Variants in TP73 observed in about 807,000 individuals in gnomAD.
The protein encoded by TP73 is tumor protein p73, also known as p53-like transcription factor.
Under a neutral mutation model 62.5 loss-of-function variants are expected in TP73, and 25 were observed. That is an observed-to-expected ratio of 0.40 (90% CI 0.29 to 0.56). TP73 has a LOEUF of 0.56. Ranked by LOEUF, TP73 falls within the 20% of genes least tolerant of loss-of-function variation. TP73 has a pLI of 0.46. For missense variants in TP73, 754 were observed against 913.3 expected (o/e 0.83, Z 2.25); for synonymous variants, 423 against 377.5 (o/e 1.12, Z -1.40).
intron 4 of TP73, among the ~76,000 whole-genome samples, chr1:3,721,774 C>A (rs1048027023): frequency 1.3e-5 from 2 of 152,184 alleles, no homozygotes; most frequent in Non-Finnish European, 1.5e-5. Context: ...GCACTCACAC[C>A]CCTGCTGTCA....
At chr1:3,705,286 C>T (rs549396672) in intron 3 of TP73, among the ~76,000 whole-genome samples, 109 of 152,372 alleles carry the variant, frequency 7.2e-4, no homozygotes, top group South Asian at 4.1e-4. Context: ...TGTACAGACA[C>T]ACTGTTTCTT....
At chr1:3,668,040 C>T (rs1302846855) in intron 1 of TP73, among the ~76,000 whole-genome samples, 3 of 152,218 alleles carry the variant, frequency 2.0e-5, no homozygotes, top group Non-Finnish European at 4.4e-5. Context: ...TATTGCTCCT[C>T]CTGTCACCCA....
intron 6 of TP73, among the ~76,000 whole-genome samples, chr1:3,725,752 T>TGGATGGAG (rs1557578121): frequency 1.6e-5 from 1 of 61,592 alleles, no homozygotes; most frequent in Non-Finnish European, 3.1e-5. Context: ...GGGGAGTGGA[T>TGGATGGAG]GGATGGATGG....
intron 3 of TP73, among the ~76,000 whole-genome samples, chr1:3,697,193 C>T (rs1638743467): frequency 1.4e-5 from 2 of 143,068 alleles, no homozygotes; most frequent in Non-Finnish European, 3.1e-5. Flanking sequence ...CGCGGCCCAC[C>T]TCGCACCCAC....
chr1:3,733,270 C>CA lies in TP73; in HGVS notation c.*192dup, dbSNP rs2124556825. On this transcript the variant is annotated 3_prime_UTR_variant, in exon 14 of 14. Coordinates refer to ENST00000378295, the MANE Select transcript of TP73 (RefSeq NM_005427.4). ...CCCAGCCACCGAAGCCGCCTGTGGA[C>CA]AGCCTGAGTCACCTGCAGAACCTTC... 1 of 676,324 alleles carries CA rather than the reference C, an allele frequency of 1.5e-6. No individual in the cohort carries two copies. Among genetic ancestry groups the CA allele is most frequent in the East Asian group, 2.8e-5 (1 of 36,356 alleles). The allele number at this position is 676,324 out of a possible 1,614,324, so 41.9% of individuals were successfully genotyped here.
intron 3 of TP73, among the ~76,000 whole-genome samples, chr1:3,700,149 A>C (rs1639034810): frequency 1.4e-5 from 2 of 146,636 alleles, no homozygotes; most frequent in African/African-American, 5.1e-5. Flanking sequence ...CCTCCCCACC[A>C]CCCCTGCCAG....
intron 1 of TP73, among the ~76,000 whole-genome samples, chr1:3,669,555 T>C (rs1344758435): frequency 6.6e-6 from 1 of 152,214 alleles, no homozygotes; most frequent in Non-Finnish European, 1.5e-5. Context: ...GCTTCCCGGC[T>C]GGGGGCCGCC....
Position 3,679,857 on chromosome 1 carries a change from CTT to C in TP73, c.-33-2474_-33-2473del, listed in dbSNP as rs139807376. ...TTTGTCCTTGTATCTCTCTGTCTCT[CTT>C]TGTCCCTGTCTCTCTCTGCCTTTGT... is the stretch of plus-strand genomic sequence containing the variant. On this transcript the variant is annotated intron_variant, in intron 1 of 13. Coordinates refer to ENST00000378295, the MANE Select transcript of TP73 (RefSeq NM_005427.4). Among the ~76,000 whole-genome samples the C allele has an allele frequency of 6.0e-3, 828 of 138,340 alleles. 10 individuals are homozygous for C. The highest frequency in any genetic ancestry group is 0.015 in the East Asian group (71 of 4,778). The allele number at this position is 138,340 out of a possible 152,430, so 90.8% of individuals were successfully genotyped here.
intron 1 of TP73, among the ~76,000 whole-genome samples, chr1:3,656,454 C>T (rs1644867671): frequency 6.6e-6 from 1 of 152,246 alleles, no homozygotes; most frequent in South Asian, 2.1e-4. Context: ...ACATTTAGCC[C>T]ATGGTGGCTG....
chr1:3,690,473 C>T (rs1024992271), intron 3 of TP73, among the ~76,000 whole-genome samples: 1 of 152,172 alleles, frequency 6.6e-6, no homozygotes, highest in East Asian at 1.9e-4. Flanking sequence ...TGGGGCCCCC[C>T]GAGCCTTCCC....
At chr1:3,697,296 G>A (rs77096286) in intron 3 of TP73, among the ~76,000 whole-genome samples, 1,811 of 152,320 alleles carry the variant, frequency 0.012, 33 homozygotes, top group African/African-American at 0.04. Flanking sequence ...AGCCCCGGGC[G>A]TCTCTGCTCA....
intron 4 of TP73, among the ~76,000 whole-genome samples, chr1:3,713,009 G>A (rs532160449): frequency 6.6e-6 from 1 of 152,320 alleles, no homozygotes; most frequent in South Asian, 2.1e-4. Context: ...AGGGGAACCA[G>A]TGATAAGGAG....
At chr1:3,731,187 A>T in intron 12 of TP73, 122 bp downstream of exon 12, 1 of 1,395,424 alleles carries the variant, frequency 7.2e-7, no homozygotes, top group Non-Finnish European at 9.6e-7. Flanking sequence ...CCTGGATCAG[A>T]CAGGCGGGCG....
rs1224692407 is a variant in TP73 at position 3,725,954 on chromosome 1, GTGGATGGATGGATGGGGTGGATGGGTGGA to G, written c.733-1149_733-1121del. ...GATGGATGGACAGATAATGGGGGGAGTGGATGGATGGATGGGGTGGATGGGTGGATGGATGGATGGGATGGGTGGATGGA... is the reference window on the plus strand; with the variant it reads ...GATGGATGGACAGATAATGGGGGGAGTGGATGGATGGGATGGGTGGATGGA... On this transcript the variant is annotated intron_variant, in intron 6 of 13. Coordinates refer to ENST00000378295, the MANE Select transcript of TP73 (RefSeq NM_005427.4). Among the ~76,000 whole-genome samples, 35 of 129,624 alleles carry G rather than the reference GTGGATGGATGGATGGGGTGGATGGGTGGA, an allele frequency of 2.7e-4. 1 individual carries two copies. In the South Asian group the frequency reaches 7.8e-3, roughly 29 times the overall value. 85.0% of individuals were successfully genotyped at this position (129,624 alleles called of 152,430 possible). A position where few individuals can be genotyped will look rare whatever the true frequency, so the allele number is the denominator to read the frequency against.
At chr1:3,709,988 A>G (rs1470257232) in intron 4 of TP73, among the ~76,000 whole-genome samples, 1 of 152,130 alleles carries the variant, frequency 6.6e-6, no homozygotes, top group East Asian at 1.9e-4. Context: ...GGTGTGTGGC[A>G]TCAGGTTCAA....
chr1:3,696,958 C>G lies in TP73; in HGVS notation c.187-10591C>G, dbSNP rs187250706. On this transcript the variant is annotated intron_variant, in intron 3 of 13. Coordinates refer to ENST00000378295, the MANE Select transcript of TP73 (RefSeq NM_005427.4). The surrounding 1 kb of genome is among the most constrained non-coding windows in gnomAD (Gnocchi z 4.1). ...TTCTGTCCCCCATTGGACCTCCCCCCAGTCACCAGCCTAATAGGACCTCAA... is the reference window on the plus strand; with the variant it reads ...TTCTGTCCCCCATTGGACCTCCCCCGAGTCACCAGCCTAATAGGACCTCAA... 2.6e-3 allele frequency among the ~76,000 whole-genome samples: 402 copies of G among 152,322 alleles called. 3 individuals are homozygous for G. The highest frequency in any genetic ancestry group is 9.4e-3 in the African/African-American group (392 of 41,576).
In TP73 at chr1:3,727,759, C is replaced by G; in HGVS notation, c.974C>G (p.Ala325Gly). Residue 325 changes from alanine to glycine, a missense_variant, in exon 8 of 14, where the codon GCC (alanine) becomes GGC (glycine). Around this residue, in one of 3 missense-constraint regions of TP73, gnomAD observed 458 missense variants for 528.7 expected, o/e 0.87. Coordinates refer to ENST00000378295, the MANE Select transcript of TP73 (RefSeq NM_005427.4). ...GAGAGCTCCGCCAAGAACGGGGCCG[C>G]CAGCAAGCGTGGTGAGCGGCCGGCC... is the stretch of plus-strand genomic sequence containing the variant. ...LNESSAKNGA[A>G]SKRAFKQSPP... 1 of 1,542,606 alleles carries G rather than the reference C, an allele frequency of 6.5e-7. No homozygotes were observed. The highest frequency in any genetic ancestry group is 8.7e-7 in the Non-Finnish European group (1 of 1,143,544).
chr1:3,691,091 G>A, intron 3 of TP73: 1 of 1,212,458 alleles, frequency 8.2e-7, no homozygotes, highest in Non-Finnish European at 1.2e-6. Context: ...AGGAAGGGAG[G>A]CGTTGAGGGG....
At chr1:3,719,890 T>TGTGTGTGTG (rs1640919589) in intron 4 of TP73, among the ~76,000 whole-genome samples, 3 of 132,146 alleles carry the variant, frequency 2.3e-5, no homozygotes, top group African/African-American at 6.0e-5. Flanking sequence ...TTTTTTCTCT[T>TGTGTGTGTG]TGTGTGTGTG....
Sources: gnomAD v4.1 joint callset for allele counts (sites outside exome capture counted in the v4.1 genomes callset) on GRCh38, gnomAD v4.1.1 for gene constraint, gnomAD v4.1.1 regional missense constraint, Gnocchi (gnomAD v3.1) non-coding constraint, MANE v1.5 for transcripts, NCBI Gene and HGNC (gene_info 2026-07-23, HGNC 2026-07-21) for gene names.